MDN1: variants seen among roughly 807,000 people sequenced by gnomAD.
The protein encoded by MDN1 is midasin.
Under a neutral mutation model 669.2 loss-of-function variants are expected in MDN1, and 266 were observed. That is an observed-to-expected ratio of 0.40 (90% CI 0.36 to 0.44). The LOEUF (loss-of-function observed/expected upper bound fraction) is 0.44, where lower values mean the gene tolerates loss of function less well. Ranked by LOEUF, MDN1 falls within the 20% of genes least tolerant of loss-of-function variation. The probability of loss-of-function intolerance (pLI) is 1.00; values close to 1 mark genes in which losing one functional copy is unlikely to be tolerated. For missense variants in MDN1, 5,940 were observed against 6,754.0 expected, an observed-to-expected ratio of 0.88 and a Z score of 4.22; for synonymous variants, 2,385 against 2,457.1, an observed-to-expected ratio of 0.97 and a Z score of 0.87.
chr6:89,689,950 T>A lies in MDN1; in HGVS notation c.10943A>T (p.Glu3648Val). The A allele has an allele frequency of 6.2e-7, 1 of 1,614,232 alleles. No individual in the cohort carries two copies. Among genetic ancestry groups the A allele is most frequent in the Non-Finnish European group, 8.5e-7 (1 of 1,180,026 alleles). ...AAACAGGCTGAGGTAATGCTTTGCT[T>A]CATGTGGCGGCAGAGTCTGTTGATA... ...LWYQQTLPPH[E>V]AKHYLSLFLS... The change falls in exon 65 of 102, where the codon GAA becomes GTA. Residue 3648 changes from glutamate (E) to valine (V), a missense_variant. Transcript: ENST00000369393.
intron 53 of MDN1, among the ~76,000 whole-genome samples, chr6:89,702,818 T>A (rs1813242941): frequency 6.6e-6 from 1 of 152,206 alleles, no homozygotes; most frequent in Non-Finnish European, 1.5e-5. Context: ...TTGCCTATAT[T>A]TAGATTGTAA....
intron 6 of MDN1, 73 bp downstream of exon 6, chr6:89,790,086 T>G (rs2128326389): frequency 1.2e-6 from 2 of 1,606,292 alleles, no homozygotes; most frequent in East Asian, 2.2e-5. Context: ...TATATTCCCT[T>G]AGCAAAAGCA....
rs1002657383 is a variant in MDN1 at position 89,718,305 on chromosome 6, T to C, written c.6583+61A>G. On this transcript the variant is annotated intron_variant, in intron 43 of 101. Coordinates refer to ENST00000369393, the MANE Select transcript of MDN1 (RefSeq NM_014611.3). ...ACAAAACATTTGTAAATCTATTACG[T>C]GTAAATGGACACAATATAAGCAATG... 6.1e-6 allele frequency: 9 copies of C among 1,480,878 alleles called. No individual in the cohort carries two copies. The Middle Eastern group carries it at 5.5e-4, about 91-fold the overall frequency. 91.7% of individuals were successfully genotyped at this position (1,480,878 alleles called of 1,614,324 possible). A position where few individuals can be genotyped will look rare whatever the true frequency, so the allele number is the denominator to read the frequency against.
Position 89,723,562 on chromosome 6 carries a change from G to C in MDN1, c.5728C>G (p.Pro1910Ala). Residue 1910 changes from proline (P) to alanine (A), a missense_variant, in exon 39 of 102, where the codon CCA (proline) becomes GCA (alanine). This residue lies in a region of MDN1 where 2,292 missense variants were observed against 2,638.3 expected (regional missense o/e 0.87). Transcript: ENST00000369393. ...DMEFIASTLF[P>A]AIEKNIVKKM... The stretch of plus-strand genomic sequence containing the variant: ...TTAACAATATTTTTCTCAATGGCTG[G>C]AAACAAAGTACTGGCAATGAACTCC... 2.5e-6 allele frequency: 4 copies of C among 1,605,262 alleles called. No individual in the cohort carries two copies. The highest frequency in any genetic ancestry group is 1.7e-4 in the Middle Eastern group (1 of 6,044).
At position 89,715,772 on chromosome 6, in the gene MDN1, G is replaced by A. The variant is rs1156782207; in HGVS notation, c.6744-3C>T. The A allele has an allele frequency of 1.9e-6, 3 of 1,588,080 alleles. No individual in the cohort carries two copies. The highest frequency in any genetic ancestry group is 8.6e-7 in the Non-Finnish European group (1 of 1,156,542). On this transcript the variant is annotated splice_polypyrimidine_tract_variant and splice_region_variant and intron_variant, in intron 44 of 101. Coordinates refer to ENST00000369393, the MANE Select transcript of MDN1 (RefSeq NM_014611.3). Reference sequence around the variant, plus strand: ...TCAAACGATCCAACACTGATGGGCTGCAGAGACAGAATTCAGATGGTGGAT... The same window carrying A: ...TCAAACGATCCAACACTGATGGGCTACAGAGACAGAATTCAGATGGTGGAT...
intron 17 of MDN1, among the ~76,000 whole-genome samples, chr6:89,760,120 T>C (rs536824595): frequency 6.6e-6 from 1 of 152,260 alleles, no homozygotes; most frequent in South Asian, 2.1e-4. Flanking sequence ...TCCACACCCA[T>C]AATGTATGGT....
At chr6:89,686,817 C>A (rs201936875) in intron 69 of MDN1, 85 bp downstream of exon 69, 790 of 1,527,748 alleles carry the variant, frequency 5.2e-4, no homozygotes, top group Non-Finnish European at 6.6e-4. Flanking sequence ...GCGGGAGAAG[C>A]GGGAGCAGGA....
At chr6:89,670,361 G>C (rs1179972044) in intron 83 of MDN1, among the ~76,000 whole-genome samples, 1 of 150,858 alleles carries the variant, frequency 6.6e-6, no homozygotes, top group East Asian at 2.0e-4. Flanking sequence ...TTTTAGTAGA[G>C]ATGGGGTTTC....
At position 89,695,881 on chromosome 6, in the gene MDN1, C is replaced by T. The variant is rs1175769916; in HGVS notation, c.9495G>A (p.Leu3165=). The change falls in exon 61 of 102, where the codon CTG becomes CTA. Residue 3165 remains leucine (L), a synonymous_variant. Transcript: ENST00000369393. This position sits in a 1 kb window ranked among gnomAD's most constrained non-coding sequence, Gnocchi z 4.1. Reference sequence around the variant, plus strand: ...GGAAGGCCTGGCTGCTCCCAAGCAGCAGCTGCTCACAGTTCTGCATGTACT... The same window carrying T: ...GGAAGGCCTGGCTGCTCCCAAGCAGTAGCTGCTCACAGTTCTGCATGTACT... ...RQEYMQNCEQ[L]LLGSSQAFQH... is the part of the protein sequence containing the mutation. 1 of 1,613,336 alleles carries T rather than the reference C, an allele frequency of 6.2e-7. No individual in the cohort carries two copies. The highest frequency in any genetic ancestry group is 1.7e-5 in the Admixed American group (1 of 60,030).
chr6:89,753,690 G>A (rs1817078598), intron 21 of MDN1, 68 bp from the exon 22 acceptor site: 2 of 1,293,726 alleles, frequency 1.5e-6, no homozygotes, highest in South Asian at 1.2e-5. Flanking sequence ...CTTATTTCCA[G>A]AACAAAATTT....
intron 1 of MDN1, among the ~76,000 whole-genome samples, chr6:89,815,787 G>A (rs765763682): frequency 2.6e-5 from 4 of 152,204 alleles, no homozygotes; most frequent in Admixed American, 1.3e-4. Flanking sequence ...TTTTTGGGGA[G>A]TCATCCACAG....
At chr6:89,756,900 G>A (rs561698272) in intron 19 of MDN1, among the ~76,000 whole-genome samples, 2 of 148,732 alleles carry the variant, frequency 1.3e-5, no homozygotes, top group African/African-American at 2.5e-5. Flanking sequence ...CAGCCTGGGC[G>A]ACAGAGGGAG....
In MDN1 at chr6:89,789,882, A is replaced by T; in HGVS notation, c.1128T>A (p.Asp376Glu). The T allele has an allele frequency of 6.2e-7, 1 of 1,613,886 alleles. No homozygotes were observed. ...KMLLGMYRCT[D>E]VPGEFVWQPG... ...GCTGCCACACAAACTCTCCAGGAAC[A>T]TCTGTGCAGCGATACATCCCCAAAA... The change falls in exon 7 of 102, where the codon GAT becomes GAA. Residue 376 changes from aspartate to glutamate, a missense_variant. Transcript: ENST00000369393.
intron 90 of MDN1, 75 bp downstream of exon 90, chr6:89,658,134 C>G: frequency 6.4e-7 from 1 of 1,561,866 alleles, no homozygotes; most frequent in East Asian, 2.2e-5. Flanking sequence ...TAATGCTACA[C>G]AGAATGTGAT....
intron 1 of MDN1, among the ~76,000 whole-genome samples, chr6:89,816,736 G>A (rs1768866198): frequency 6.9e-6 from 1 of 144,866 alleles, no homozygotes; most frequent in Admixed American, 7.1e-5. Flanking sequence ...GTGCAGTGGT[G>A]CGATCTCAGC....
chr6:89,758,768 G>A, intron 18 of MDN1, 48 bp downstream of exon 18: 1 of 1,600,314 alleles, frequency 6.2e-7, no homozygotes, highest in South Asian at 1.1e-5. Flanking sequence ...CTCTAAAGTG[G>A]CCACAGGGCT....
At position 89,676,094 on chromosome 6, in the gene MDN1, C is replaced by T; in HGVS notation, c.12645+8G>A. 6.2e-7 allele frequency: 1 copy of T among 1,612,560 alleles called. No individual in the cohort carries two copies. The highest frequency in any genetic ancestry group is 8.5e-7 in the Non-Finnish European group (1 of 1,178,566). The stretch of plus-strand genomic sequence containing the variant: ...AGCCCCTGCAAGACTCATGTTCTAT[C>T]ATTCTACCTTGGCAGGAGTTGCTAG... On this transcript the variant is annotated splice_region_variant and intron_variant, in intron 77 of 101. Transcript: ENST00000369393.
chr6:89,694,097 G>A lies in MDN1; in HGVS notation c.9858C>T (p.Val3286=). 6.2e-7 allele frequency: 1 copy of A among 1,614,160 alleles called. No homozygotes were observed. The highest frequency in any genetic ancestry group is 1.1e-5 in the South Asian group (1 of 91,076). The part of the protein sequence containing the change: ...TGRDLEDEVV[V]SYSHPHVRLL... ...ACCTGACGTGAGGATGAGAGTAGCT[G>A]ACAACGACTTCATCTTCCAGGTCTC... is the stretch of plus-strand genomic sequence containing the variant. Residue 3286 remains valine, a synonymous_variant, in exon 62 of 102, where the codon GTC becomes GTT. Transcript: ENST00000369393.
rs1810746406 is a variant in MDN1, at chr6:89,671,381, TC to T, written c.13795-302del. 2.6e-5 allele frequency among the ~76,000 whole-genome samples: 4 copies of T among 152,304 alleles called. No homozygotes were observed. In the South Asian group the frequency reaches 8.3e-4, roughly 32 times the overall value. On this transcript the variant is annotated intron_variant, in intron 82 of 101. Coordinates refer to ENST00000369393, the MANE Select transcript of MDN1 (RefSeq NM_014611.3). ...CAGGCACAGTGGCTCACGCCTTTAA[TC>T]CCAGCACTTTGGGAGGCCAAAGTGG...
Sources: gnomAD v4.1 joint callset for allele counts (sites outside exome capture counted in the v4.1 genomes callset) on GRCh38, gnomAD v4.1.1 for gene constraint, gnomAD v4.1.1 regional missense constraint, Gnocchi (gnomAD v3.1) non-coding constraint, MANE v1.5 for transcripts, NCBI Gene and HGNC (gene_info 2026-07-23, HGNC 2026-07-21) for gene names.